Variants in CA8 observed in about 807,000 individuals in gnomAD.
The protein encoded by CA8 is carbonic anhydrase 8 (inactive), also known as carbonic anhydrase-related protein.
CA8 carries 22 observed loss-of-function variants against 41.4 expected under a neutral mutation model. The ratio of observed to expected loss-of-function variants is 0.53; its 90% CI spans 0.38 to 0.76. The LOEUF is 0.76. Among genes scored for constraint, CA8 ranks in the 30% least tolerant of loss-of-function variants. The pLI is 0.00. For synonymous variants in CA8, 121 were observed against 130.6 expected (o/e 0.93, Z 0.50); for missense variants, 270 against 352.8 (o/e 0.77, Z 1.88).
chr8:60,247,573 G>A (rs1158984792), intron 3 of CA8, among the ~76,000 whole-genome samples: 1 of 152,176 alleles, frequency 6.6e-6, no homozygotes, highest in African/African-American at 2.4e-5. Context: ...TGTCCCTGCA[G>A]AGGACATGTT....
chr8:60,251,959 G>A (rs1416859481), intron 3 of CA8, among the ~76,000 whole-genome samples: 1 of 152,222 alleles, frequency 6.6e-6, no homozygotes, highest in African/African-American at 2.4e-5. Flanking sequence ...ATTATGTAGT[G>A]CTTACACAAT....
chr8:60,263,069 G>A lies in CA8; in HGVS notation c.417+2856C>T, dbSNP rs188889479. 4.0e-3 allele frequency among the ~76,000 whole-genome samples: 607 copies of A among 152,266 alleles called. 6 individuals are homozygous for A. The highest frequency in any genetic ancestry group is 0.014 in the Middle Eastern group (4 of 294). ...TTAAAAGCTGTTCCTGGCCAGGCAC[G>A]GTGGCTCACGCCTGTAATCCCAGCA... On this transcript the variant is annotated intron_variant, in intron 3 of 8. Coordinates refer to ENST00000317995, the MANE Select transcript of CA8 (RefSeq NM_004056.6).
rs141317077 is a variant in CA8, at chr8:60,264,026, C to G, written c.417+1899G>C. On this transcript the variant is annotated intron_variant, in intron 3 of 8. Transcript: ENST00000317995. ...GTCAGCAATTCCATTATCCTAAATA[C>G]AAATATTTCTGCAGAAACAAAGCCT... Among the ~76,000 whole-genome samples the G allele has an allele frequency of 3.3e-5, 5 of 152,290 alleles. No homozygotes were observed. In the East Asian group the frequency reaches 9.6e-4, roughly 29 times the overall value.
chr8:60,222,058 C>T (rs920615030), intron 7 of CA8, among the ~76,000 whole-genome samples: 10 of 152,090 alleles, frequency 6.6e-5, no homozygotes, highest in Admixed American at 3.9e-4. Context: ...TAAATACATT[C>T]GAGTGGCGCT....
intron 2 of CA8, among the ~76,000 whole-genome samples, chr8:60,278,476 A>G (rs999241313): frequency 5.3e-5 from 8 of 152,254 alleles, no homozygotes; most frequent in African/African-American, 1.9e-4. Flanking sequence ...ACTTCTTTAA[A>G]TTGCTTTTTA....
intron 8 of CA8, among the ~76,000 whole-genome samples, chr8:60,202,959 G>A (rs1044260633): frequency 1.2e-4 from 19 of 152,204 alleles, no homozygotes; most frequent in Middle Eastern, 3.4e-3. Flanking sequence ...ACTCTACTAC[G>A]TAGACATTTA....
At chr8:60,191,450 AAAC>A (rs925032569) in intron 8 of CA8, among the ~76,000 whole-genome samples, 90 of 152,240 alleles carry the variant, frequency 5.9e-4, no homozygotes, top group African/African-American at 2.1e-3. Context: ...GTTCCATAAA[AAAC>A]AACAACCTGG....
At chr8:60,259,481 T>C (rs74944840) in intron 3 of CA8, among the ~76,000 whole-genome samples, 2,496 of 152,270 alleles carry the variant, frequency 0.016, 61 homozygotes, top group African/African-American at 0.056. Flanking sequence ...CTAAAAGAAA[T>C]ACTAACAAAT....
At chr8:60,194,239 C>A (rs902876508) in intron 8 of CA8, among the ~76,000 whole-genome samples, 1 of 152,122 alleles carries the variant, frequency 6.6e-6, no homozygotes, top group South Asian at 2.1e-4. Context: ...GATTTGGGTT[C>A]TTTCATTTAC....
intron 3 of CA8, among the ~76,000 whole-genome samples, chr8:60,263,318 T>C (rs1391868092): frequency 2.9e-5 from 3 of 103,056 alleles, no homozygotes; most frequent in Non-Finnish European, 3.6e-5. Flanking sequence ...CAAGACTCCA[T>C]CTTAAAAAAA....
chr8:60,199,423 G>A (rs913485198), intron 8 of CA8, among the ~76,000 whole-genome samples: 2 of 152,050 alleles, frequency 1.3e-5, no homozygotes, highest in South Asian at 4.1e-4. Context: ...CTGAAAATAT[G>A]TTCTCTGGAC....
chr8:60,279,991 A>G, intron 1 of CA8, 111 bp from the exon 2 acceptor site: 1 of 787,142 alleles, frequency 1.3e-6, no homozygotes, highest in Non-Finnish European at 2.0e-6. Flanking sequence ...GAGAGTAATG[A>G]TACCATCACT....
At chr8:60,222,995 G>A (rs1016171894) in intron 6 of CA8, among the ~76,000 whole-genome samples, 1 of 152,130 alleles carries the variant, frequency 6.6e-6, no homozygotes, top group African/African-American at 2.4e-5. Flanking sequence ...GATTACTATA[G>A]ATACCTGTCA....
At chr8:60,217,959 T>G (rs1054935065) in intron 7 of CA8, among the ~76,000 whole-genome samples, 4 of 152,256 alleles carry the variant, frequency 2.6e-5, no homozygotes, top group African/African-American at 9.6e-5. Flanking sequence ...ACAACATTTC[T>G]GTGATTCTTT....
intron 3 of CA8, among the ~76,000 whole-genome samples, chr8:60,252,131 T>C (rs1283895548): frequency 6.6e-6 from 1 of 152,186 alleles, no homozygotes; most frequent in Non-Finnish European, 1.5e-5. Flanking sequence ...TAGAAAGTTA[T>C]AAGAGCCCCC....
chr8:60,218,265 G>A (rs1311948624), intron 7 of CA8, among the ~76,000 whole-genome samples: 4 of 151,334 alleles, frequency 2.6e-5, no homozygotes, highest in Admixed American at 6.6e-5. Flanking sequence ...TCAAGACTAC[G>A]TCCATACCAT....
intron 4 of CA8, among the ~76,000 whole-genome samples, chr8:60,229,347 G>A (rs1229609005): frequency 6.6e-6 from 1 of 152,110 alleles, no homozygotes; most frequent in Non-Finnish European, 1.5e-5. Flanking sequence ...AGTCCCCCAG[G>A]GAGACAGACT....
intron 3 of CA8, among the ~76,000 whole-genome samples, chr8:60,234,921 T>C (rs932968552): frequency 6.0e-5 from 9 of 151,178 alleles, no homozygotes; most frequent in African/African-American, 1.2e-4. Flanking sequence ...CCAGTAGAGG[T>C]TGGCTAATTC....
At chr8:60,202,499 T>C (rs1375202099) in intron 8 of CA8, among the ~76,000 whole-genome samples, 1 of 152,216 alleles carries the variant, frequency 6.6e-6, no homozygotes, top group East Asian at 1.9e-4. Flanking sequence ...CAAATTATTA[T>C]TACTACTGGA....
Sources: gnomAD v4.1 joint callset for allele counts (sites outside exome capture counted in the v4.1 genomes callset) on GRCh38, gnomAD v4.1.1 for gene constraint, MANE v1.5 for transcripts, NCBI Gene and HGNC (gene_info 2026-07-23, HGNC 2026-07-21) for gene names.